The following CCSER1 variants were observed in gnomAD, a reference collection of about 807,000 sequenced individuals.
CCSER1 encodes the protein coiled-coil serine rich protein 1.
Under a neutral mutation model 82.0 loss-of-function variants are expected in CCSER1, and 41 were observed. That is an observed-to-expected ratio of 0.50 (90% CI 0.39 to 0.65). CCSER1 has a LOEUF of 0.65. Ranked by LOEUF, CCSER1 falls within the 30% of genes least tolerant of loss-of-function variation. The probability of loss-of-function intolerance (pLI) is 0.00; values close to 1 mark genes in which losing one functional copy is unlikely to be tolerated. For synonymous variants in CCSER1, 414 were observed against 383.9 expected (o/e 1.08, Z -0.92); for missense variants, 1,119 against 1,064.2 (o/e 1.05, Z -0.72).
intron 5 of CCSER1, among the ~76,000 whole-genome samples, chr4:90,612,878 G>A (rs1442704151): frequency 6.6e-6 from 1 of 152,140 alleles, no homozygotes; most frequent in Non-Finnish European, 1.5e-5. Context: ...GGGTCAGAGT[G>A]GTGAGGGCCA....
chr4:91,050,292 A>C (rs905300985), intron 9 of CCSER1, among the ~76,000 whole-genome samples: 3 of 151,972 alleles, frequency 2.0e-5, no homozygotes, highest in African/African-American at 7.2e-5. Context: ...TGAACCGGGC[A>C]TGGTGGCAGA....
At chr4:90,964,731 C>CAAAAAA (rs71596540) in intron 9 of CCSER1, among the ~76,000 whole-genome samples, 1 of 77,620 alleles carries the variant, frequency 1.3e-5, no homozygotes, top group African/African-American at 5.9e-5. Flanking sequence ...ACTCTGTCTC[C>CAAAAAA]AAAAAAAAAA....
intron 7 of CCSER1, among the ~76,000 whole-genome samples, chr4:90,775,937 C>G (rs1274116118): frequency 6.6e-6 from 1 of 151,376 alleles, no homozygotes; most frequent in African/African-American, 2.4e-5. Context: ...TGGTTCTGTG[C>G]TATGAACAAT....
intron 7 of CCSER1, among the ~76,000 whole-genome samples, chr4:90,798,176 T>G (rs918178625): frequency 6.6e-6 from 1 of 151,534 alleles, no homozygotes; most frequent in Non-Finnish European, 1.5e-5. Flanking sequence ...TTGCTCATTT[T>G]CATTCTTTTT....
intron 7 of CCSER1, among the ~76,000 whole-genome samples, chr4:90,798,567 G>A (rs1278267691): frequency 6.6e-6 from 1 of 152,120 alleles, no homozygotes; most frequent in Non-Finnish European, 1.5e-5. Context: ...TTTTTGGGTT[G>A]ACACAGTTCT....
intron 10 of CCSER1, among the ~76,000 whole-genome samples, chr4:91,531,484 C>A (rs1761027260): frequency 6.6e-6 from 1 of 152,096 alleles, no homozygotes; most frequent in Non-Finnish European, 1.5e-5. Context: ...TACCAAATTA[C>A]AACACAAACT....
chr4:90,349,156 G>T (rs1414459543), intron 3 of CCSER1, among the ~76,000 whole-genome samples: 1 of 152,054 alleles, frequency 6.6e-6, no homozygotes, highest in Non-Finnish European at 1.5e-5. Context: ...GGTGAAATTT[G>T]AAGTAAACAA....
chr4:90,385,906 A>G (rs1749966856), intron 3 of CCSER1, among the ~76,000 whole-genome samples: 1 of 151,972 alleles, frequency 6.6e-6, no homozygotes, highest in African/African-American at 2.4e-5. Flanking sequence ...CAGATGTATC[A>G]TTTGTAAATA....
chr4:91,281,240 T>C (rs1742891116), intron 10 of CCSER1, among the ~76,000 whole-genome samples: 1 of 152,216 alleles, frequency 6.6e-6, no homozygotes, highest in African/African-American at 2.4e-5. Context: ...TTTCAGCATT[T>C]TCTTTCTTAT....
intron 3 of CCSER1, among the ~76,000 whole-genome samples, chr4:90,330,923 C>T (rs1739166298): frequency 6.6e-6 from 1 of 152,016 alleles, no homozygotes; most frequent in African/African-American, 2.4e-5. Context: ...TCATGATTCT[C>T]TGCTTGTTAT....
chr4:91,543,941 T>A (rs1761744050), intron 10 of CCSER1, among the ~76,000 whole-genome samples: 1 of 152,226 alleles, frequency 6.6e-6, no homozygotes, highest in African/African-American at 2.4e-5. Flanking sequence ...GGTATGCCAG[T>A]CAGACCTAGA....
chr4:91,025,038 T>C (rs934464582), intron 9 of CCSER1, among the ~76,000 whole-genome samples: 40 of 152,300 alleles, frequency 2.6e-4, no homozygotes, highest in Non-Finnish European at 1.3e-4. Flanking sequence ...TTCAATGTGT[T>C]TAAGAGTGAA....
chr4:91,297,251 T>C (rs193289230), intron 10 of CCSER1, among the ~76,000 whole-genome samples: 12 of 151,984 alleles, frequency 7.9e-5, no homozygotes, highest in Admixed American at 6.6e-4. Context: ...AAAAGACAGA[T>C]ACATTTTAAA....
intron 5 of CCSER1, among the ~76,000 whole-genome samples, chr4:90,498,167 G>A (rs574051828): frequency 6.6e-5 from 10 of 152,156 alleles, no homozygotes; most frequent in African/African-American, 2.4e-4. Context: ...TACATACATA[G>A]ATACTTATGA....
intron 1 of CCSER1, among the ~76,000 whole-genome samples, chr4:90,248,700 ATTT>A (rs113045025): frequency 0.012 from 1,754 of 143,508 alleles, 46 homozygotes; most frequent in African/African-American, 0.042. Flanking sequence ...AGAATTTTAG[ATTT>A]TTTTTTTTTT....
chr4:91,524,386 A>C (rs1405450597), intron 10 of CCSER1, among the ~76,000 whole-genome samples: 1 of 152,174 alleles, frequency 6.6e-6, no homozygotes, highest in African/African-American at 2.4e-5. Context: ...AATAAAAAGG[A>C]AAGCAGATTT....
chr4:90,557,945 ATTTCT>A (rs1778324012), intron 5 of CCSER1, among the ~76,000 whole-genome samples: 1 of 152,176 alleles, frequency 6.6e-6, no homozygotes, highest in Admixed American at 6.5e-5. Context: ...TTTGGTAAAT[ATTTCT>A]TTTCAAGAAT....
At chr4:90,294,237 C>T (rs1194342655) in intron 1 of CCSER1, among the ~76,000 whole-genome samples, 3 of 151,950 alleles carry the variant, frequency 2.0e-5, no homozygotes, top group East Asian at 1.9e-4. Flanking sequence ...TCTTGCCGGG[C>T]GCAGTGGCTC....
chr4:91,479,054 G>A (rs1282216227), intron 10 of CCSER1, among the ~76,000 whole-genome samples: 9 of 151,626 alleles, frequency 5.9e-5, no homozygotes, highest in Non-Finnish European at 2.9e-5. Flanking sequence ...TCATTAGAGG[G>A]ATAAGTTATT....
Sources: allele counts gnomAD v4.1 joint callset (sites outside exome capture counted in the v4.1 genomes callset), GRCh38; gene constraint gnomAD v4.1.1; transcripts MANE v1.5; gene names NCBI Gene and HGNC (gene_info 2026-07-23, HGNC 2026-07-21).